KCNQ1: variants seen among roughly 807,000 people sequenced by gnomAD.
The protein encoded by KCNQ1 is potassium voltage-gated channel subfamily Q member 1, also known as potassium voltage-gated channel subfamily KQT member 1.
A neutral mutation model predicts 72.4 loss-of-function variants in KCNQ1; 49 were observed. That is an observed-to-expected ratio of 0.68 (90% CI 0.54 to 0.86). The LOEUF (loss-of-function observed/expected upper bound fraction) is 0.86. Ranked by LOEUF, KCNQ1 falls within the 40% of genes least tolerant of loss-of-function variation. The pLI is 0.00. For missense variants in KCNQ1, 790 were observed against 945.1 expected, an observed-to-expected ratio of 0.84 and a Z score of 2.15; for synonymous variants, 450 against 412.6, an observed-to-expected ratio of 1.09 and a Z score of -1.10.
intron 6 of KCNQ1, among the ~76,000 whole-genome samples, chr11:2,573,351 C>T (rs908981502): frequency 1.3e-5 from 2 of 152,178 alleles, no homozygotes; most frequent in African/African-American, 4.8e-5. Flanking sequence ...CCGTGGCCCT[C>T]ACCCTGGCAG....
rs1846013989 is a variant in KCNQ1 at position 2,445,086 on chromosome 11, G to C, written c.-13G>C. ...CGCCGCTCGGGCCGGCCCCCCGGCAGGCCCTCCTCGTTATGGCCGCGGCCT... is the reference window on the plus strand; with the variant it reads ...CGCCGCTCGGGCCGGCCCCCCGGCACGCCCTCCTCGTTATGGCCGCGGCCT... On this transcript the variant is annotated 5_prime_UTR_variant, in exon 1 of 16. Coordinates refer to ENST00000155840, the MANE Select transcript of KCNQ1 (RefSeq NM_000218.3). 1 of 1,073,084 alleles carries C rather than the reference G, an allele frequency of 9.3e-7. No homozygotes were observed. The highest frequency in any genetic ancestry group is 1.7e-5 in the African/African-American group (1 of 58,658). The allele number at this position is 1,073,084 out of a possible 1,614,324, so 66.5% of individuals were successfully genotyped here.
intron 11 of KCNQ1, among the ~76,000 whole-genome samples, chr11:2,740,530 G>A (rs772274800): frequency 5.3e-5 from 8 of 152,182 alleles, no homozygotes; most frequent in Non-Finnish European, 1.0e-4. Context: ...GAATGTGAGC[G>A]GGTGGACCCA....
Position 2,547,481 on chromosome 11 carries a change from G to A in KCNQ1, c.477+19463G>A, listed in dbSNP as rs2188197. 0.14 allele frequency among the ~76,000 whole-genome samples: 21,910 copies of A among 152,082 alleles called. 1,796 individuals carry two copies. Among genetic ancestry groups the A allele is most frequent in the East Asian group, 0.3 (1,527 of 5,166 alleles). ...ACTCCTGACCTCAAGTCATCTGCCC[G>A]CCTCAGCCTCCCAAAGTGCTGGGAT... On this transcript the variant is annotated intron_variant, in intron 2 of 15. Transcript: ENST00000155840. The surrounding 1 kb of genome is among the most constrained non-coding windows in gnomAD (Gnocchi z 4.2).
intron 15 of KCNQ1, among the ~76,000 whole-genome samples, chr11:2,788,446 T>G (rs1337115854): frequency 6.6e-6 from 1 of 152,156 alleles, no homozygotes; most frequent in Non-Finnish European, 1.5e-5. Context: ...AGGGAGCACC[T>G]TGCCACTGAA....
chr11:2,459,398 C>T (rs567345203), intron 1 of KCNQ1, among the ~76,000 whole-genome samples: 1 of 152,278 alleles, frequency 6.6e-6, no homozygotes, highest in East Asian at 1.9e-4. Flanking sequence ...AGGACAACCC[C>T]ATGTAGTTCC....
intron 1 of KCNQ1, among the ~76,000 whole-genome samples, chr11:2,470,529 C>T (rs1465703899): frequency 2.0e-5 from 3 of 151,966 alleles, no homozygotes; most frequent in Non-Finnish European, 2.9e-5. Context: ...GACAAGCCGG[C>T]GTCTTATGAA....
At position 2,450,792 on chromosome 11, in the gene KCNQ1, C is replaced by T. The variant is rs963449899; in HGVS notation, c.386+5308C>T. 3.9e-5 allele frequency among the ~76,000 whole-genome samples: 6 copies of T among 152,234 alleles called. No individual in the cohort carries two copies. The highest frequency in any genetic ancestry group is 4.2e-4 in the South Asian group (2 of 4,810). ...ACTGGCTGGGTGACCACAGGGATGCCGCGTGACCCTAGTCCAGGGGGCCGC... is the reference window on the plus strand; with the variant it reads ...ACTGGCTGGGTGACCACAGGGATGCTGCGTGACCCTAGTCCAGGGGGCCGC... On this transcript the variant is annotated intron_variant, in intron 1 of 15. Coordinates refer to ENST00000155840, the MANE Select transcript of KCNQ1 (RefSeq NM_000218.3). This position sits in a 1 kb window ranked among gnomAD's most constrained non-coding sequence, Gnocchi z 7.9.
intron 11 of KCNQ1, among the ~76,000 whole-genome samples, chr11:2,731,339 C>G (rs1239055163): frequency 6.6e-6 from 1 of 152,248 alleles, no homozygotes; most frequent in Admixed American, 6.5e-5. Flanking sequence ...GCCCTCGTCC[C>G]ACAGTCGGCA....
intron 11 of KCNQ1, chr11:2,681,024 C>T: frequency 2.5e-6 from 1 of 398,492 alleles, no homozygotes; most frequent in Non-Finnish European, 4.4e-6. Flanking sequence ...TGAAAGCCTC[C>T]TCAGATGTGG....
chr11:2,689,420 G>C (rs895249416), intron 11 of KCNQ1: 9 of 398,548 alleles, frequency 2.3e-5, no homozygotes, highest in African/African-American at 1.9e-4. Context: ...GGGAGCATAG[G>C]GGAGGAGGAA....
intron 11 of KCNQ1, among the ~76,000 whole-genome samples, chr11:2,718,945 C>A (rs1178544596): frequency 6.6e-6 from 1 of 152,236 alleles, no homozygotes; most frequent in Non-Finnish European, 1.5e-5. Context: ...GATTCCTGGG[C>A]TATTCCAAGA....
chr11:2,757,241 G>A (rs976060514), intron 11 of KCNQ1, among the ~76,000 whole-genome samples: 5 of 152,100 alleles, frequency 3.3e-5, no homozygotes, highest in African/African-American at 9.7e-5. Flanking sequence ...CTGGAACTTA[G>A]GAGTTCAGCA....
chr11:2,638,026 G>A (rs898848061), intron 10 of KCNQ1: 1 of 151,992 alleles, frequency 6.6e-6, no homozygotes, highest in Non-Finnish European at 1.5e-5. Context: ...TTTTCCATTT[G>A]CTTGGTAGAT....
rs770291429 is a variant in KCNQ1, at chr11:2,623,318, G to A, written c.1393+34464G>A. On this transcript the variant is annotated intron_variant, in intron 10 of 15. Coordinates refer to ENST00000155840, the MANE Select transcript of KCNQ1 (RefSeq NM_000218.3). The surrounding 1 kb of genome is among the most constrained non-coding windows in gnomAD (Gnocchi z 5.2). ...TAGTTCTTTATAGCACTGTGAGAAC[G>A]GACTAATATGCATGTATCTACCATT... The A allele has an allele frequency of 2.4e-4, 97 of 398,576 alleles. No homozygotes were observed. Among genetic ancestry groups the A allele is most frequent in the Non-Finnish European group, 3.6e-4 (82 of 226,056 alleles). 24.7% of individuals were successfully genotyped at this position (398,576 alleles called of 1,614,324 possible).
rs543661042 is a variant in KCNQ1, at chr11:2,538,950, C to T, written c.477+10932C>T. On this transcript the variant is annotated intron_variant, in intron 2 of 15. Transcript: ENST00000155840. The surrounding 1 kb of genome is among the most constrained non-coding windows in gnomAD (Gnocchi z 6.7). ...TGGGGTTGACACCCCTGGGCTGGAA[C>T]CTGGGAACCACCAGTCAGCGTCTTT... Among the ~76,000 whole-genome samples, 4 of 152,324 alleles carry T rather than the reference C, an allele frequency of 2.6e-5. No homozygotes were observed. The South Asian group carries it at 8.3e-4, about 32-fold the overall frequency.
chr11:2,618,334 T>A, intron 10 of KCNQ1: 1 of 398,588 alleles, frequency 2.5e-6, no homozygotes, highest in Non-Finnish European at 4.4e-6. Flanking sequence ...AATTCAATGT[T>A]TTAACAAAGT....
intron 2 of KCNQ1, among the ~76,000 whole-genome samples, chr11:2,557,585 G>C (rs1450736288): frequency 6.6e-6 from 1 of 152,214 alleles, no homozygotes; most frequent in African/African-American, 2.4e-5. Context: ...CAGTGGGACG[G>C]CTCATCTCCC....
At position 2,550,880 on chromosome 11, in the gene KCNQ1, G is replaced by A. The variant is rs1444385565; in HGVS notation, c.478-19748G>A. On this transcript the variant is annotated intron_variant, in intron 2 of 15. Transcript: ENST00000155840. The surrounding 1 kb of genome is among the most constrained non-coding windows in gnomAD (Gnocchi z 6.0). ...GGGGTGCCTGGGGAGGCTGCCAAGT[G>A]AGGGGGGGGCACAGACTGAGACAGG... Among the ~76,000 whole-genome samples, 1 of 151,970 alleles carries A rather than the reference G, an allele frequency of 6.6e-6. No homozygotes were observed. The highest frequency in any genetic ancestry group is 1.5e-5 in the Non-Finnish European group (1 of 67,986).
In KCNQ1 at chr11:2,475,237, A is replaced by C. The variant is rs762345227; in HGVS notation, c.386+29753A>C. Among the ~76,000 whole-genome samples the C allele has an allele frequency of 6.6e-6, 1 of 152,098 alleles. No individual in the cohort carries two copies. Among genetic ancestry groups the C allele is most frequent in the Admixed American group, 6.5e-5 (1 of 15,268 alleles). The stretch of plus-strand genomic sequence containing the variant: ...GTTTCATGTGCCTGAAATCATGGCA[A>C]ACGTGGCCCTGTGTGTCTGGTTTCC... On this transcript the variant is annotated intron_variant, in intron 1 of 15. Coordinates refer to ENST00000155840, the MANE Select transcript of KCNQ1 (RefSeq NM_000218.3). The surrounding 1 kb of genome is among the most constrained non-coding windows in gnomAD (Gnocchi z 5.8).
Sources: allele counts gnomAD v4.1 joint callset (sites outside exome capture counted in the v4.1 genomes callset), GRCh38; gene constraint gnomAD v4.1.1; non-coding constraint Gnocchi (gnomAD v3.1); transcripts MANE v1.5; gene names NCBI Gene and HGNC (gene_info 2026-07-23, HGNC 2026-07-21).